TMEM272: variants seen among roughly 807,000 people sequenced by gnomAD.
The protein encoded by TMEM272 is transmembrane protein 272, also known as long intergenic non-protein coding RNA 282.
In TMEM272, 8 loss-of-function variants were observed where a neutral mutation model predicts 3.7. The ratio of observed to expected loss-of-function variants is 2.17; its 90% CI spans 1.27 to 3.91. TMEM272 has a LOEUF of 3.91. TMEM272 is among the 30% of genes most tolerant of loss of function. TMEM272 has a pLI of 0.00. For synonymous variants in TMEM272, 63 were observed against 39.8 expected (o/e 1.58, Z -2.20); for missense variants, 166 against 91.5 (o/e 1.81, Z -3.32).
At chr13:51,867,166 C>T in the TMEM272 span, among the ~76,000 whole-genome samples, 2 of 152,308 alleles carry the variant, frequency 1.3e-5, no homozygotes, top group Non-Finnish European at 2.9e-5. Flanking sequence ...CGTAGTGGGT[C>T]CCCTACTACT....
the TMEM272 span, among the ~76,000 whole-genome samples, chr13:51,878,648 G>A: frequency 1.3e-5 from 2 of 152,126 alleles, no homozygotes; most frequent in South Asian, 4.1e-4. Flanking sequence ...TATTTTTTAA[G>A]TAAGTAACTC....
the TMEM272 span, chr13:51,932,416 A>C: frequency 6.6e-6 from 1 of 152,220 alleles, no homozygotes; most frequent in Admixed American, 6.5e-5. Context: ...CGGGGCAGGG[A>C]CTTTGACAGG....
At chr13:51,861,170 CACAG>C in the TMEM272 span, among the ~76,000 whole-genome samples, 2 of 151,878 alleles carry the variant, frequency 1.3e-5, no homozygotes, top group Non-Finnish European at 2.9e-5. Context: ...AAGTCAAATA[CACAG>C]ACAAAGAATA....
the TMEM272 span, chr13:51,865,636 T>C: frequency 6.2e-7 from 1 of 1,614,010 alleles, no homozygotes. Flanking sequence ...TCCTGGGTTT[T>C]TGGGAAGAGG....
chr13:51,922,163 C>T, the TMEM272 span, among the ~76,000 whole-genome samples: 3 of 152,162 alleles, frequency 2.0e-5, no homozygotes, highest in African/African-American at 4.8e-5. Context: ...GGAGTTATCG[C>T]TTGAAAAAAG....
the TMEM272 span, among the ~76,000 whole-genome samples, chr13:51,918,803 CTTT>C: frequency 1.2e-5 from 1 of 81,042 alleles, no homozygotes; most frequent in Non-Finnish European, 2.3e-5. Flanking sequence ...TTTTGAAATT[CTTT>C]TTTTTTTTTT....
chr13:51,838,415 G>A (rs1956233775), intron 2 of TMEM272, 58 bp downstream of exon 2: 2 of 702,986 alleles, frequency 2.8e-6, no homozygotes, highest in East Asian at 5.4e-5. Context: ...AGCTCATCGG[G>A]TGATCCCAGA....
At chr13:51,908,731 G>C in the TMEM272 span, 10 of 1,471,004 alleles carry the variant, frequency 6.8e-6, no homozygotes, top group Admixed American at 1.0e-4. Context: ...AGTCCAGAGC[G>C]TCTAGCAGAA....
intron 2 of TMEM272, among the ~76,000 whole-genome samples, chr13:51,830,331 A>C (rs577008765): frequency 6.6e-6 from 1 of 152,336 alleles, no homozygotes; most frequent in African/African-American, 2.4e-5. Context: ...GGGCCAGAAC[A>C]TTCTTAATGA....
chr13:51,867,898 CA>C, the TMEM272 span, among the ~76,000 whole-genome samples: 5 of 152,170 alleles, frequency 3.3e-5, no homozygotes, highest in South Asian at 8.3e-4. Flanking sequence ...GCAGGAACCC[CA>C]GTGCAGAGAA....
the TMEM272 span, among the ~76,000 whole-genome samples, chr13:51,854,148 G>A: frequency 7.2e-5 from 11 of 152,064 alleles, no homozygotes; most frequent in Admixed American, 1.3e-4. Flanking sequence ...TTTCAATCCC[G>A]TGAGCTCGCT....
chr13:51,868,488 G>C, the TMEM272 span, among the ~76,000 whole-genome samples: 1 of 152,256 alleles, frequency 6.6e-6, no homozygotes, highest in Admixed American at 6.5e-5. Context: ...CTTCAGCATT[G>C]TTTCACAGAT....
At chr13:51,838,906 C>T (rs1005980602) in intron 1 of TMEM272, among the ~76,000 whole-genome samples, 7 of 152,108 alleles carry the variant, frequency 4.6e-5, no homozygotes, top group Non-Finnish European at 1.0e-4. Flanking sequence ...CATATTTAAT[C>T]CCACAACAAT....
chr13:51,815,071 A>G lies in TMEM272; in HGVS notation c.*1680T>C, dbSNP rs1482354971. ...GGAAAGGAGGGTGGGAGAGGAGCCC[A>G]TGGAACTCCTGTCCACCCCAGTATC... On this transcript the variant is annotated 3_prime_UTR_variant, in exon 5 of 5. Transcript: ENST00000629372. The G allele has an allele frequency of 6.5e-6, 1 of 152,700 alleles. No individual in the cohort carries two copies. Among genetic ancestry groups the G allele is most frequent in the African/African-American group, 2.4e-5 (1 of 41,434 alleles). 9.5% of individuals were successfully genotyped at this position (152,700 alleles called of 1,614,324 possible).
At chr13:51,820,836 A>T (rs1956072372) in intron 4 of TMEM272, among the ~76,000 whole-genome samples, 1 of 152,176 alleles carries the variant, frequency 6.6e-6, no homozygotes, top group African/African-American at 2.4e-5. Context: ...GGTAGATCCC[A>T]TGGGGATGTT....
the TMEM272 span, among the ~76,000 whole-genome samples, chr13:51,868,268 A>G: frequency 6.6e-6 from 1 of 152,196 alleles, no homozygotes; most frequent in South Asian, 2.1e-4. Context: ...CACAATCACA[A>G]TGTCATTATT....
At chr13:51,886,116 A>C in the TMEM272 span, among the ~76,000 whole-genome samples, 1 of 152,312 alleles carries the variant, frequency 6.6e-6, no homozygotes, top group Non-Finnish European at 1.5e-5. Context: ...TTTGTGTACG[A>C]ATTTTACCCT....
rs963587686 is a variant in TMEM272 at position 51,816,404 on chromosome 13, C to A, written c.*347G>T. The A allele has an allele frequency of 4.8e-6, 1 of 206,462 alleles. No individual in the cohort carries two copies. Among genetic ancestry groups the A allele is most frequent in the Non-Finnish European group, 1.0e-5 (1 of 100,386 alleles). The allele number at this position is 206,462 out of a possible 1,614,324, so 12.8% of individuals were successfully genotyped here. A position where few individuals can be genotyped will look rare whatever the true frequency, so the allele number is the denominator to read the frequency against. ...CAACCAACCTTGCTCTTGCACCAGT[C>A]ATTGAAATTGCACTATGATTTGAAA... is the stretch of plus-strand genomic sequence containing the variant. On this transcript the variant is annotated 3_prime_UTR_variant, in exon 5 of 5. Transcript: ENST00000629372.
At chr13:51,909,900 T>C in the TMEM272 span, 2 of 1,599,788 alleles carry the variant, frequency 1.3e-6, no homozygotes, top group Non-Finnish European at 1.7e-6. Context: ...TATTTTCTGT[T>C]TATTAAGTTC....
Sources: allele counts gnomAD v4.1 joint callset (sites outside exome capture counted in the v4.1 genomes callset), GRCh38; gene constraint gnomAD v4.1.1; transcripts MANE v1.5; gene names NCBI Gene and HGNC (gene_info 2026-07-23, HGNC 2026-07-21).